NAV1: variants seen among roughly 807,000 people sequenced by gnomAD.
NAV1 encodes pore membrane and/or filament interacting like protein 3.
NAV1 carries 18 observed loss-of-function variants against 175.2 expected under a neutral mutation model. The ratio of observed to expected loss-of-function variants is 0.10; its 90% CI spans 0.07 to 0.15. The LOEUF (loss-of-function observed/expected upper bound fraction) is 0.15. NAV1 is among the 10% of genes least tolerant of loss of function. The probability of loss-of-function intolerance (pLI) is 1.00; values close to 1 mark genes in which losing one functional copy is unlikely to be tolerated. For missense variants in NAV1, 1,731 were observed against 2,436.6 expected (o/e 0.71, Z 6.10); for synonymous variants, 897 against 978.7 (o/e 0.92, Z 1.56).
At position 201,593,585 on chromosome 1, in the gene NAV1, C is replaced by G. The variant is rs538602722; in HGVS notation, c.-33+4936C>G. On this transcript the variant is annotated intron_variant, in intron 2 of 33. Coordinates refer to the NAV1 transcript ENST00000685211. ...TGGCCTTTCTCTTTTGGCGCATTCT[C>G]TTCTGGTTCTGTCTTTTCTCAGGAG... Among the ~76,000 whole-genome samples the G allele has an allele frequency of 3.3e-5, 5 of 152,298 alleles. No homozygotes were observed. In the South Asian group the frequency reaches 8.3e-4, roughly 25 times the overall value.
exon 1 of NAV1, chr1:201,623,219 C>G: frequency 1.0e-6 from 1 of 986,080 alleles, no homozygotes; most frequent in Non-Finnish European, 1.2e-6. Flanking sequence ...GCAGCCCTCT[C>G]CAGCCGGGCT....
chr1:201,780,699 G>C, intron 4 of NAV1, 140 bp downstream of exon 8: 2 of 1,163,620 alleles, frequency 1.7e-6, no homozygotes, highest in South Asian at 3.1e-5. Flanking sequence ...TCATTTTAGA[G>C]TTGCCCCCAC....
At chr1:201,794,967 C>T (rs920621013) in intron 15 of NAV1, 1 of 178,858 alleles carries the variant, frequency 5.6e-6, no homozygotes, top group Non-Finnish European at 1.2e-5. Flanking sequence ...TCCAATGAAA[C>T]AACCAAAGCT....
chr1:201,730,122 C>T (rs1672787606), intron 3 of NAV1, among the ~76,000 whole-genome samples: 1 of 152,194 alleles, frequency 6.6e-6, no homozygotes, highest in African/African-American at 2.4e-5. Context: ...ACACTGGACT[C>T]TGGGTTGTCC....
chr1:201,705,292 A>G (rs1671622119), intron 1 of NAV1, among the ~76,000 whole-genome samples: 1 of 152,214 alleles, frequency 6.6e-6, no homozygotes, highest in South Asian at 2.1e-4. Context: ...CCAGGCTGAG[A>G]TGGCCGTGCA....
At chr1:201,540,180 C>T (rs952096389) in intron 1 of NAV1, among the ~76,000 whole-genome samples, 8 of 152,004 alleles carry the variant, frequency 5.3e-5, no homozygotes, top group African/African-American at 1.9e-4. Context: ...GTAGGGGTGA[C>T]GTCCACCCGG....
At chr1:201,548,877 TTA>T (rs1219753330) in intron 1 of NAV1, among the ~76,000 whole-genome samples, 2 of 152,238 alleles carry the variant, frequency 1.3e-5, no homozygotes, top group Admixed American at 6.5e-5. Flanking sequence ...GGAATAGTTA[TTA>T]GTATGTTATC....
At chr1:201,607,509 T>C (rs1667718246) in intron 2 of NAV1, among the ~76,000 whole-genome samples, 1 of 152,160 alleles carries the variant, frequency 6.6e-6, no homozygotes, top group South Asian at 2.1e-4. Flanking sequence ...TTATTATTTT[T>C]GAGATGGAGT....
At chr1:201,566,421 G>A (rs962210223) in intron 1 of NAV1, among the ~76,000 whole-genome samples, 1 of 152,072 alleles carries the variant, frequency 6.6e-6, no homozygotes, top group Non-Finnish European at 1.5e-5. Context: ...ACCCTCAGCC[G>A]TTACAGGCCT....
rs1192751226 is a variant in NAV1 at position 201,813,670 on chromosome 1, T to C, written c.5340+412T>C. Among the ~76,000 whole-genome samples, 1 of 117,290 alleles carries C rather than the reference T, an allele frequency of 8.5e-6. No homozygotes were observed. Among genetic ancestry groups the C allele is most frequent in the Non-Finnish European group, 2.1e-5 (1 of 48,030 alleles). The allele number at this position is 117,290 out of a possible 152,430, so 76.9% of individuals were successfully genotyped here. A position where few individuals can be genotyped will look rare whatever the true frequency, so the allele number is the denominator to read the frequency against. ...CTTGACCTTTTTAAATACCCTCATA[T>C]GTAAAAAAAAAAAGGAGACATCACC... is the stretch of plus-strand genomic sequence containing the variant. On this transcript the variant is annotated intron_variant, in intron 28 of 29. Transcript: ENST00000367296. This position sits in a 1 kb window ranked among gnomAD's most constrained non-coding sequence, Gnocchi z 4.2.
intron 1 of NAV1, among the ~76,000 whole-genome samples, chr1:201,691,522 G>A (rs1426231631): frequency 1.3e-5 from 2 of 152,190 alleles, no homozygotes; most frequent in African/African-American, 2.4e-5. Flanking sequence ...AATGAGGAAG[G>A]GTTGAACATG....
At chr1:201,658,725 G>A (rs867916785) in intron 1 of NAV1, among the ~76,000 whole-genome samples, 10 of 152,178 alleles carry the variant, frequency 6.6e-5, no homozygotes, top group Admixed American at 3.9e-4. Context: ...GTGCCCGCTG[G>A]TCCTTGGAGA....
chr1:201,801,198 C>T (rs1431741834), intron 15 of NAV1, among the ~76,000 whole-genome samples: 2 of 152,184 alleles, frequency 1.3e-5, no homozygotes, highest in African/African-American at 2.4e-5. Context: ...GTATGATAAT[C>T]GTTGTACAAA....
chr1:201,790,513 CCTTTCTCTCT>C, intron 11 of NAV1, 31 bp from the exon 16 acceptor site: 2 of 1,612,856 alleles, frequency 1.2e-6, no homozygotes, highest in Non-Finnish European at 1.7e-6. Context: ...GTAACTACTT[CCTTTCTCTCT>C]CTTTCTCTCC....
chr1:201,540,284 C>T (rs1184691803), intron 1 of NAV1, among the ~76,000 whole-genome samples: 1 of 152,186 alleles, frequency 6.6e-6, no homozygotes, highest in Non-Finnish European at 1.5e-5. Context: ...GCGCAGCTGG[C>T]GCCGGCTTAA....
chr1:201,772,676 AC>A (rs1487913929), intron 3 of NAV1, among the ~76,000 whole-genome samples: 1 of 152,160 alleles, frequency 6.6e-6, no homozygotes, highest in African/African-American at 2.4e-5. Context: ...CTTGGGTTAT[AC>A]GCTCATTCTG....
At chr1:201,677,773 A>G (rs1295303398) in intron 1 of NAV1, among the ~76,000 whole-genome samples, 2 of 152,092 alleles carry the variant, frequency 1.3e-5, no homozygotes, top group Non-Finnish European at 2.9e-5. Context: ...GAACATAGGC[A>G]TGCGCCGCCA....
intron 1 of NAV1, among the ~76,000 whole-genome samples, chr1:201,701,126 G>A (rs1671405828): frequency 6.6e-6 from 1 of 151,268 alleles, no homozygotes; most frequent in African/African-American, 2.4e-5. Context: ...CATGGATGAA[G>A]CTGGAAACCA....
At chr1:201,743,518 C>A (rs1320498176) in intron 3 of NAV1, among the ~76,000 whole-genome samples, 1 of 152,206 alleles carries the variant, frequency 6.6e-6, no homozygotes, top group Non-Finnish European at 1.5e-5. Flanking sequence ...ACTGATCTAC[C>A]TTACTGGGAT....
Sources: allele counts gnomAD v4.1 joint callset (sites outside exome capture counted in the v4.1 genomes callset), GRCh38; gene constraint gnomAD v4.1.1; non-coding constraint Gnocchi (gnomAD v3.1); transcripts MANE v1.5; gene names NCBI Gene and HGNC (gene_info 2026-07-23, HGNC 2026-07-21).